Variants in PIK3CD observed in about 807,000 individuals in gnomAD.
The protein encoded by PIK3CD is phosphatidylinositol-4,5-bisphosphate 3-kinase catalytic subunit delta.
A neutral mutation model predicts 122.9 loss-of-function variants in PIK3CD; 20 were observed. The observed-to-expected ratio is 0.16, with a 90% CI of 0.11 to 0.24. The LOEUF (loss-of-function observed/expected upper bound fraction) is 0.24, where lower values mean the gene tolerates loss of function less well. Ranked by LOEUF, PIK3CD falls within the 10% of genes least tolerant of loss-of-function variation. PIK3CD has a pLI of 1.00. For missense variants in PIK3CD, 787 were observed against 1,406.3 expected (o/e 0.56, Z 7.04); for synonymous variants, 596 against 593.4 (o/e 1.00, Z -0.06).
At chr1:9,699,600 C>CT (rs113698547) in intron 2 of PIK3CD, among the ~76,000 whole-genome samples, 212 of 145,770 alleles carry the variant, frequency 1.5e-3, no homozygotes, top group Middle Eastern at 3.4e-3. Flanking sequence ...TTTGTACTTT[C>CT]TTTTTTTTTT....
At chr1:9,684,889 A>G (rs1645909089) in intron 1 of PIK3CD, among the ~76,000 whole-genome samples, 1 of 151,142 alleles carries the variant, frequency 6.6e-6, no homozygotes, top group African/African-American at 2.4e-5. Flanking sequence ...AGAATGAGCA[A>G]TGCAAACCCA....
the PIK3CD span, among the ~76,000 whole-genome samples, chr1:9,636,352 C>A: frequency 5.9e-5 from 9 of 152,156 alleles, no homozygotes; most frequent in African/African-American, 9.7e-5. Context: ...CACTACCATA[C>A]CTGGATAATT....
At chr1:9,695,755 T>G (rs1646388007) in intron 2 of PIK3CD, among the ~76,000 whole-genome samples, 1 of 150,870 alleles carries the variant, frequency 6.6e-6, no homozygotes, top group South Asian at 2.1e-4. Context: ...GGCAGGAGAA[T>G]CGCTTGAACC....
At chr1:9,697,779 C>T (rs1254624191) in intron 2 of PIK3CD, among the ~76,000 whole-genome samples, 1 of 151,776 alleles carries the variant, frequency 6.6e-6, no homozygotes, top group Non-Finnish European at 1.5e-5. Flanking sequence ...ACCTGTAATC[C>T]TGGCACTTTG....
chr1:9,715,299 G>A lies in PIK3CD; in HGVS notation c.142-242G>A, dbSNP rs550257814. On this transcript the variant is annotated intron_variant, in intron 3 of 23. Transcript: ENST00000377346. This position sits in a 1 kb window ranked among gnomAD's most constrained non-coding sequence, Gnocchi z 4.1. ...ACTCTGGGAGGGGAGCCTGTAGGAC[G>A]TGGTGCCAGCCCCAGATCCCAGCAC... Among the ~76,000 whole-genome samples, 7 of 152,208 alleles carry A rather than the reference G, an allele frequency of 4.6e-5. No homozygotes were observed. The highest frequency in any genetic ancestry group is 7.2e-5 in the African/African-American group (3 of 41,444).
intron 1 of PIK3CD, 105 bp from the exon 2 acceptor site, chr1:9,691,362 A>T (rs994622582): frequency 5.1e-6 from 2 of 392,276 alleles, no homozygotes; most frequent in African/African-American, 4.1e-5. Context: ...ACCTAGATGA[A>T]GCAGTTGATT....
intron 2 of PIK3CD, among the ~76,000 whole-genome samples, chr1:9,695,000 G>T (rs1235065800): frequency 2.0e-5 from 3 of 151,760 alleles, no homozygotes; most frequent in Non-Finnish European, 4.4e-5. Context: ...GACAGAGAGA[G>T]ACTTCTAGTG....
At chr1:9,628,688 T>A in the PIK3CD span, among the ~76,000 whole-genome samples, 1 of 151,976 alleles carries the variant, frequency 6.6e-6, no homozygotes, top group African/African-American at 2.4e-5. Context: ...GTGGCCCTGG[T>A]GAGATTGGTT....
intron 1 of PIK3CD, among the ~76,000 whole-genome samples, chr1:9,678,013 G>A (rs1033435229): frequency 2.0e-5 from 3 of 151,782 alleles, no homozygotes; most frequent in Admixed American, 6.6e-5. Context: ...GTGTGGTGGC[G>A]CCTGCCTGTA....
intron 1 of PIK3CD, among the ~76,000 whole-genome samples, chr1:9,683,307 G>A (rs931794794): frequency 6.6e-6 from 1 of 151,550 alleles, no homozygotes; most frequent in African/African-American, 2.4e-5. Flanking sequence ...GTGTGGTGGC[G>A]GGAACCTGTA....
At chr1:9,638,508 G>A in the PIK3CD span, among the ~76,000 whole-genome samples, 12 of 151,946 alleles carry the variant, frequency 7.9e-5, no homozygotes, top group Non-Finnish European at 1.6e-4. Context: ...CGAGGCGGGC[G>A]GATCACGAGG....
intron 2 of PIK3CD, among the ~76,000 whole-genome samples, chr1:9,692,926 A>C (rs1646258606): frequency 6.6e-6 from 1 of 152,176 alleles, no homozygotes; most frequent in Admixed American, 6.6e-5. Context: ...CAAAAGCCAT[A>C]GATCATGTAG....
Position 9,720,717 on chromosome 1 carries a change from C to A in PIK3CD, c.1522-25C>A, listed in dbSNP as rs1266865899. 2 of 1,605,356 alleles carry A rather than the reference C, an allele frequency of 1.2e-6. No homozygotes were observed. The highest frequency in any genetic ancestry group is 1.7e-6 in the Non-Finnish European group (2 of 1,177,480). ...CATGGAGCCGGCGTGGAACCAGAGC[C>A]CTCACTCCTGCCCACACCCCTCAGC... On this transcript the variant is annotated intron_variant, in intron 12 of 23. Transcript: ENST00000377346. The surrounding 1 kb of genome is among the most constrained non-coding windows in gnomAD (Gnocchi z 9.0).
intron 2 of PIK3CD, among the ~76,000 whole-genome samples, chr1:9,699,050 G>A (rs1646525023): frequency 6.6e-6 from 1 of 151,768 alleles, no homozygotes; most frequent in South Asian, 2.1e-4. Flanking sequence ...AATAAACAAA[G>A]CTCTGCACAG....
At chr1:9,691,962 T>A (rs1042369422) in intron 2 of PIK3CD, 138 of 159,502 alleles carry the variant, frequency 8.7e-4, no homozygotes, top group African/African-American at 3.2e-3. Flanking sequence ...TGAATTTTTA[T>A]AATTCAGTGT....
In PIK3CD at chr1:9,706,504, A is replaced by G. The variant is rs548886207; in HGVS notation, c.-32-3920A>G. Reference sequence around the variant, plus strand: ...TAAGACCCTATCTCAACAGAAAAAAACAACAAAAACCTGGGTCTGTGAACC... The same window carrying G: ...TAAGACCCTATCTCAACAGAAAAAAGCAACAAAAACCTGGGTCTGTGAACC... On this transcript the variant is annotated intron_variant, in intron 2 of 23. Coordinates refer to ENST00000377346, the MANE Select transcript of PIK3CD (RefSeq NM_005026.5). Among the ~76,000 whole-genome samples, 3 of 152,222 alleles carry G rather than the reference A, an allele frequency of 2.0e-5. No homozygotes were observed. The East Asian group carries it at 5.8e-4, about 29-fold the overall frequency.
Position 9,728,595 on chromosome 1 carries a change from C to G in PIK3CD, c.*1549C>G, listed in dbSNP as rs1212550324. 1 of 152,284 alleles carries G rather than the reference C, an allele frequency of 6.6e-6. No individual in the cohort carries two copies. The highest frequency in any genetic ancestry group is 1.5e-5 in the Non-Finnish European group (1 of 68,066). 9.4% of individuals were successfully genotyped at this position (152,284 alleles called of 1,614,324 possible). ...AGTAGTCATTGCCACCCGCGGGGCACCTCCCTGGCCACACGCCTGTTCCCA... is the reference window on the plus strand; with the variant it reads ...AGTAGTCATTGCCACCCGCGGGGCAGCTCCCTGGCCACACGCCTGTTCCCA... On this transcript the variant is annotated 3_prime_UTR_variant, in exon 24 of 24. Transcript: ENST00000377346.
At chr1:9,716,741 C>T (rs1488685965) in intron 6 of PIK3CD, 122 bp downstream of exon 6, 10 of 1,199,760 alleles carry the variant, frequency 8.3e-6, no homozygotes, top group East Asian at 7.7e-5. Context: ...TTTGGGTCAC[C>T]GCCAGAGCAT....
At chr1:9,653,550 G>A in intron 1 of PIK3CD, 1 of 319,444 alleles carries the variant, frequency 3.1e-6, no homozygotes, top group Non-Finnish European at 6.1e-6. Flanking sequence ...TGGAGGGGAC[G>A]ACTGTTCAGA....
Sources: gnomAD v4.1 joint callset for allele counts (sites outside exome capture counted in the v4.1 genomes callset) on GRCh38, gnomAD v4.1.1 for gene constraint, Gnocchi (gnomAD v3.1) non-coding constraint, MANE v1.5 for transcripts, NCBI Gene and HGNC (gene_info 2026-07-23, HGNC 2026-07-21) for gene names.